ANK2: variants seen among roughly 807,000 people sequenced by gnomAD.
ANK2 encodes the protein ankyrin-2.
In ANK2, 83 loss-of-function variants were observed where a neutral mutation model predicts 360.5. That is an observed-to-expected ratio of 0.23 (90% CI 0.19 to 0.28). ANK2 has a LOEUF of 0.28. Among genes scored for constraint, ANK2 ranks in the 10% least tolerant of loss-of-function variants. ANK2 has a pLI of 1.00. For missense variants in ANK2, 4,201 were observed against 4,795.7 expected, an observed-to-expected ratio of 0.88 and a Z score of 3.66; for synonymous variants, 1,740 against 1,759.5, an observed-to-expected ratio of 0.99 and a Z score of 0.28.
At chr4:113,088,713 G>A (rs1358631217) in intron 1 of ANK2, among the ~76,000 whole-genome samples, 1 of 152,076 alleles carries the variant, frequency 6.6e-6, no homozygotes, top group Non-Finnish European at 1.5e-5. Flanking sequence ...CTGTAGATGG[G>A]CCTTTATATA....
In ANK2 at chr4:113,339,319, C is replaced by T; in HGVS notation, c.3890C>T (p.Ala1297Val). 1 of 1,612,828 alleles carries T rather than the reference C, an allele frequency of 6.2e-7. No homozygotes were observed. Among genetic ancestry groups the T allele is most frequent in the Non-Finnish European group, 8.5e-7 (1 of 1,178,936 alleles). The part of the protein sequence containing the change: ...ECVSFTTNVS[A>V]RFWLIDCRQI... The stretch of plus-strand genomic sequence containing the variant: ...GTTTCCTTTACAACAAACGTGTCTG[C>T]CAGGTATCGTTATATAGCACAGAAA... The change falls in exon 32 of 46, where the codon GCC becomes GTC. Residue 1297 changes from alanine to valine, a missense_variant. Transcript: ENST00000357077.
At chr4:113,321,929 C>T (rs891420078) in intron 26 of ANK2, among the ~76,000 whole-genome samples, 12 of 152,012 alleles carry the variant, frequency 7.9e-5, no homozygotes, top group African/African-American at 1.7e-4. Flanking sequence ...AGACAGGGTT[C>T]GCCAGTTAGC....
At chr4:112,782,431 T>C in the ANK2 span, among the ~76,000 whole-genome samples, 4 of 152,230 alleles carry the variant, frequency 2.6e-5, no homozygotes, top group Non-Finnish European at 5.9e-5. Context: ...CAAACAGCTA[T>C]ACAAACAATA....
chr4:113,062,254 C>A (rs896661653), intron 1 of ANK2, among the ~76,000 whole-genome samples: 1 of 152,018 alleles, frequency 6.6e-6, no homozygotes, highest in Non-Finnish European at 1.5e-5. Context: ...TTTGTTCCAA[C>A]TCAGGTGTCA....
chr4:113,210,125 T>C (rs955568553), intron 4 of ANK2, among the ~76,000 whole-genome samples: 1 of 152,188 alleles, frequency 6.6e-6, no homozygotes. Context: ...AAGTTTCTTA[T>C]TTACTTCTCA....
the ANK2 span, among the ~76,000 whole-genome samples, chr4:112,746,310 A>G: frequency 1.3e-5 from 2 of 152,066 alleles, no homozygotes; most frequent in African/African-American, 2.4e-5. Context: ...TAGTGCTTAC[A>G]TATGATACAA....
intron 24 of ANK2, among the ~76,000 whole-genome samples, chr4:113,312,198 G>T (rs2080376841): frequency 6.6e-6 from 1 of 151,452 alleles, no homozygotes; most frequent in African/African-American, 2.4e-5. Context: ...AGCTACTTGG[G>T]AGGCTGAGTT....
chr4:112,753,065 C>T, the ANK2 span, among the ~76,000 whole-genome samples: 2 of 152,212 alleles, frequency 1.3e-5, no homozygotes, highest in Non-Finnish European at 1.5e-5. Flanking sequence ...TAAGTCTGGT[C>T]TCTCCCTCTT....
chr4:112,943,605 C>T (rs911290856), intron 2 of ANK2, among the ~76,000 whole-genome samples: 4 of 152,022 alleles, frequency 2.6e-5, no homozygotes, highest in South Asian at 2.1e-4. Flanking sequence ...TTAAAACAGT[C>T]GCATTAGAAA....
At chr4:112,890,584 T>TTTTTTTTG (rs2079714834) in intron 1 of ANK2, among the ~76,000 whole-genome samples, 1 of 127,020 alleles carries the variant, frequency 7.9e-6, no homozygotes, top group African/African-American at 3.1e-5. Flanking sequence ...TTTTTTTTTT[T>TTTTTTTTG]GAGACGGAGT....
intron 26 of ANK2, among the ~76,000 whole-genome samples, chr4:113,324,449 T>C (rs2088510216): frequency 6.6e-6 from 1 of 152,252 alleles, no homozygotes; most frequent in Non-Finnish European, 1.5e-5. Context: ...CCATCCATTA[T>C]GGTACTACAA....
At chr4:112,736,686 A>G in the ANK2 span, among the ~76,000 whole-genome samples, 1 of 152,134 alleles carries the variant, frequency 6.6e-6, no homozygotes, top group South Asian at 2.1e-4. Context: ...CTATTTCAGT[A>G]GGTGCTGCAT....
intron 36 of ANK2, 80 bp from the exon 37 acceptor site, chr4:113,350,148 T>C: frequency 7.7e-7 from 1 of 1,301,878 alleles, no homozygotes; most frequent in Non-Finnish European, 1.1e-6. Context: ...TAATTATGAA[T>C]AGGAGCTTTT....
intron 2 of ANK2, among the ~76,000 whole-genome samples, chr4:112,963,755 A>C (rs1408251778): frequency 6.6e-6 from 1 of 152,172 alleles, no homozygotes; most frequent in African/African-American, 2.4e-5. Context: ...CCAAGTCTCT[A>C]TAAAATGTAA....
rs374527495 is a variant in ANK2 at position 113,112,748 on chromosome 4, TG to T, written c.85-61662del. On this transcript the variant is annotated intron_variant, in intron 1 of 45. Coordinates refer to ENST00000357077, the MANE Select transcript of ANK2 (RefSeq NM_001148.6). ...GTTATGAGCTTGAGAGGCATACACT[TG>T]GGGGGTCTTGAGACTGCTTCTACAT... Among the ~76,000 whole-genome samples, 95 of 152,244 alleles carry T rather than the reference TG, an allele frequency of 6.2e-4. 1 individual carries two copies. The highest frequency in any genetic ancestry group is 2.1e-3 in the African/African-American group (86 of 41,560).
At chr4:113,204,820 G>A (rs553607230) in intron 4 of ANK2, among the ~76,000 whole-genome samples, 1 of 152,116 alleles carries the variant, frequency 6.6e-6, no homozygotes, top group South Asian at 2.1e-4. Context: ...AGAGCCTTCC[G>A]CAAAGCTAGG....
At chr4:112,806,893 A>G in the ANK2 span, among the ~76,000 whole-genome samples, 1 of 152,198 alleles carries the variant, frequency 6.6e-6, no homozygotes, top group Admixed American at 6.5e-5. Flanking sequence ...TATACTCAGC[A>G]GTGAGGTTGC....
At chr4:112,920,515 A>G (rs922578113) in intron 2 of ANK2, among the ~76,000 whole-genome samples, 9 of 152,218 alleles carry the variant, frequency 5.9e-5, no homozygotes, top group African/African-American at 2.2e-4. Context: ...TTTTATTTCT[A>G]TGTTTTAAAA....
At chr4:112,726,835 G>C in the ANK2 span, among the ~76,000 whole-genome samples, 10 of 137,764 alleles carry the variant, frequency 7.3e-5, no homozygotes, top group Non-Finnish European at 1.5e-5. Context: ...CTGGGTGACA[G>C]AGGGAGACTC....
Sources: allele counts gnomAD v4.1 joint callset (sites outside exome capture counted in the v4.1 genomes callset), GRCh38; gene constraint gnomAD v4.1.1; transcripts MANE v1.5; gene names NCBI Gene and HGNC (gene_info 2026-07-23, HGNC 2026-07-21).